The following LDB2 variants were observed in gnomAD, a reference collection of about 807,000 sequenced individuals.
LDB2 encodes the protein LIM domain-binding protein 2.
A neutral mutation model predicts 44.3 loss-of-function variants in LDB2; 12 were observed. That is an observed-to-expected ratio of 0.27 (90% CI 0.17 to 0.44). LDB2 has a LOEUF of 0.44. LDB2 is among the 20% of genes least tolerant of loss of function. The pLI is 1.00. For synonymous variants in LDB2, 164 were observed against 174.8 expected (o/e 0.94, Z 0.49); for missense variants, 344 against 473.5 (o/e 0.73, Z 2.54).
chr4:16,603,380 A>C (rs1300018339), intron 2 of LDB2, among the ~76,000 whole-genome samples: 2 of 152,208 alleles, frequency 1.3e-5, no homozygotes, highest in African/African-American at 2.4e-5. Context: ...TTAATCAGGC[A>C]CAGAGGGCGC....
chr4:16,754,338 A>C (rs1384484658), intron 2 of LDB2, among the ~76,000 whole-genome samples: 1 of 152,236 alleles, frequency 6.6e-6, no homozygotes, highest in African/African-American at 2.4e-5. Context: ...CCTCGGCATC[A>C]GGCTGTCCAC....
chr4:16,701,107 AT>A (rs764594060), intron 2 of LDB2, among the ~76,000 whole-genome samples: 2 of 152,350 alleles, frequency 1.3e-5, no homozygotes, highest in Non-Finnish European at 2.9e-5. Flanking sequence ...TTGAAATAGA[AT>A]TCAAACCTTC....
At chr4:16,688,326 T>C (rs1749761155) in intron 2 of LDB2, among the ~76,000 whole-genome samples, 2 of 152,194 alleles carry the variant, frequency 1.3e-5, no homozygotes, top group African/African-American at 2.4e-5. Flanking sequence ...TCCCATCAAA[T>C]TCAGGCAGGT....
rs527828723 is a variant in LDB2, at chr4:16,844,174, G to A, written c.132+54180C>T. On this transcript the variant is annotated intron_variant, in intron 1 of 7. Coordinates refer to ENST00000304523, the MANE Select transcript of LDB2 (RefSeq NM_001290.5). ...TGGGAGTCTAAGGTGAGAGAATCGC[G>A]TAAGCCTAGAAGGTGAAGGCCTGAG... Among the ~76,000 whole-genome samples, 236 of 134,292 alleles carry A rather than the reference G, an allele frequency of 1.8e-3. No individual in the cohort carries two copies. In the South Asian group the frequency reaches 0.027, roughly 15 times the overall value. The allele number at this position is 134,292 out of a possible 152,430, so 88.1% of individuals were successfully genotyped here. A position where few individuals can be genotyped will look rare whatever the true frequency, so the allele number is the denominator to read the frequency against.
At chr4:16,592,846 G>A (rs983930161) in intron 3 of LDB2, among the ~76,000 whole-genome samples, 7 of 152,072 alleles carry the variant, frequency 4.6e-5, no homozygotes, top group African/African-American at 1.7e-4. Context: ...CCTAGAAAGT[G>A]TTCCTCCCAG....
At chr4:16,555,315 T>C (rs1177769652) in intron 5 of LDB2, among the ~76,000 whole-genome samples, 1 of 152,238 alleles carries the variant, frequency 6.6e-6, no homozygotes, top group Admixed American at 6.5e-5. Flanking sequence ...CACATCTATT[T>C]AAAGAACTGC....
chr4:16,755,302 C>T (rs1766304015), intron 2 of LDB2, among the ~76,000 whole-genome samples: 1 of 152,188 alleles, frequency 6.6e-6, no homozygotes, highest in Non-Finnish European at 1.5e-5. Context: ...GGACTTAGAA[C>T]TGCAGAGCAG....
rs532703669 is a variant in LDB2, at chr4:16,749,965, G to A, written c.235+9193C>T. Among the ~76,000 whole-genome samples the A allele has an allele frequency of 2.6e-4, 40 of 152,186 alleles. No individual in the cohort carries two copies. The South Asian group carries it at 3.3e-3, about 13-fold the overall frequency. ...TTAAGAGCAGACTTCATCAACACCC[G>A]CTTCTCCATGCCTCGTTGTACTTTT... On this transcript the variant is annotated intron_variant, in intron 2 of 7. Transcript: ENST00000304523.
At chr4:16,506,079 G>T (rs1719297217) in intron 7 of LDB2, 1 of 1,338,974 alleles carries the variant, frequency 7.5e-7, no homozygotes, top group Middle Eastern at 2.1e-4. Context: ...CCACAGCTGT[G>T]GTCATAGTGG....
At chr4:16,746,306 C>T (rs1185734911) in intron 2 of LDB2, among the ~76,000 whole-genome samples, 3 of 152,216 alleles carry the variant, frequency 2.0e-5, no homozygotes, top group Non-Finnish European at 4.4e-5. Flanking sequence ...CAAGAACCAA[C>T]TACGTGTCTG....
At chr4:16,814,460 G>T (rs1780536093) in intron 1 of LDB2, among the ~76,000 whole-genome samples, 1 of 152,114 alleles carries the variant, frequency 6.6e-6, no homozygotes, top group Admixed American at 6.5e-5. Context: ...AATCATTTTT[G>T]CTGCTAAATC....
intron 2 of LDB2, among the ~76,000 whole-genome samples, chr4:16,648,596 ACT>A (rs1737420488): frequency 6.6e-6 from 1 of 152,112 alleles, no homozygotes. Context: ...AGTTTGGCAA[ACT>A]CTGTTCTTTT....
chr4:16,865,106 A>C (rs1189173200), intron 1 of LDB2, among the ~76,000 whole-genome samples: 1 of 145,144 alleles, frequency 6.9e-6, no homozygotes, highest in African/African-American at 2.6e-5. Context: ...CAAAAAATTA[A>C]CTGGGCTTGG....
At chr4:16,860,979 T>G (rs1361896309) in intron 1 of LDB2, among the ~76,000 whole-genome samples, 1 of 152,192 alleles carries the variant, frequency 6.6e-6, no homozygotes, top group Admixed American at 6.5e-5. Context: ...ACAAGGATTC[T>G]GTAGCTTAAA....
chr4:16,642,396 G>GA (rs1443560896), intron 2 of LDB2, among the ~76,000 whole-genome samples: 1 of 151,994 alleles, frequency 6.6e-6, no homozygotes, highest in Non-Finnish European at 1.5e-5. Flanking sequence ...AAAAAAATGT[G>GA]AAAAAACAGG....
chr4:16,831,481 T>C (rs1041638197), intron 1 of LDB2, among the ~76,000 whole-genome samples: 2 of 152,142 alleles, frequency 1.3e-5, no homozygotes, highest in African/African-American at 4.8e-5. Flanking sequence ...AAAAAGTCCC[T>C]ATGGTGGTTG....
At chr4:16,615,161 G>A (rs1015566408) in intron 2 of LDB2, among the ~76,000 whole-genome samples, 5 of 151,904 alleles carry the variant, frequency 3.3e-5, no homozygotes, top group African/African-American at 4.8e-5. Context: ...TAGTGGGAGC[G>A]TAAATTAGTT....
chr4:16,636,579 T>C (rs1242202886), intron 2 of LDB2, among the ~76,000 whole-genome samples: 1 of 152,206 alleles, frequency 6.6e-6, no homozygotes, highest in African/African-American at 2.4e-5. Context: ...TGACAACTTA[T>C]ATTTATGTAT....
intron 2 of LDB2, among the ~76,000 whole-genome samples, chr4:16,721,279 C>G (rs1427355233): frequency 6.6e-6 from 1 of 152,072 alleles, no homozygotes; most frequent in African/African-American, 2.4e-5. Context: ...AGGGTCAGTT[C>G]TTAATTATCC....
Sources: gnomAD v4.1 joint callset for allele counts (sites outside exome capture counted in the v4.1 genomes callset) on GRCh38, gnomAD v4.1.1 for gene constraint, MANE v1.5 for transcripts, NCBI Gene and HGNC (gene_info 2026-07-23, HGNC 2026-07-21) for gene names.